The following TCTN2 variants were observed in gnomAD, a reference collection of about 807,000 sequenced individuals.
TCTN2 encodes the protein tectonic family member 2.
A neutral mutation model predicts 83.4 loss-of-function variants in TCTN2; 66 were observed. The observed-to-expected ratio is 0.79, with a 90% CI of 0.65 to 0.97. TCTN2 has a LOEUF of 0.97. TCTN2 is among the 50% of genes least tolerant of loss of function. The pLI is 0.00. For missense variants in TCTN2, 794 were observed against 858.1 expected, an observed-to-expected ratio of 0.93 and a Z score of 0.93; for synonymous variants, 301 against 326.7, an observed-to-expected ratio of 0.92 and a Z score of 0.85.
chr12:123,690,731 A>G, intron 8 of TCTN2, 57 bp downstream of exon 8: 1 of 1,589,646 alleles, frequency 6.3e-7, no homozygotes, highest in Non-Finnish European at 8.6e-7. Context: ...ATAAAGTATG[A>G]TCTCATGAGA....
intron 14 of TCTN2, among the ~76,000 whole-genome samples, chr12:123,702,811 T>C (rs1956187882): frequency 6.6e-6 from 1 of 152,218 alleles, no homozygotes; most frequent in Admixed American, 6.5e-5. Context: ...TTTGTTGCCT[T>C]CAAGGTGGAA....
rs781321058 is a variant in TCTN2, at chr12:123,671,571, C to T, written c.147C>T (p.Thr49=). ...PAVSASLVGD[T]EGVTVSLAVL... is the part of the protein sequence containing the mutation. The stretch of plus-strand genomic sequence containing the variant: ...TCAGCGCGTCCCTGGTCGGAGACAC[C>T]GAGGGTGTGACCGTGTCCCTGGCAG... Residue 49 remains threonine (T), a synonymous_variant, in exon 2 of 18, where the codon ACC becomes ACT. Transcript: ENST00000303372. The T allele has an allele frequency of 6.2e-7, 1 of 1,613,716 alleles. No individual in the cohort carries two copies. Among genetic ancestry groups the T allele is most frequent in the Non-Finnish European group, 8.5e-7 (1 of 1,180,026 alleles).
intron 5 of TCTN2, among the ~76,000 whole-genome samples, chr12:123,684,161 A>G (rs1374204501): frequency 1.3e-5 from 2 of 152,166 alleles, no homozygotes; most frequent in African/African-American, 4.8e-5. Context: ...ATCCTTGAAT[A>G]TGTGTTTGGA....
intron 4 of TCTN2, among the ~76,000 whole-genome samples, chr12:123,676,566 T>TAA (rs60100973): frequency 0.039 from 2,380 of 60,402 alleles, 114 homozygotes; most frequent in African/African-American, 0.09. Context: ...AGACTCCATC[T>TAA]AAAAAAAAAA....
intron 7 of TCTN2, among the ~76,000 whole-genome samples, chr12:123,688,831 C>T (rs1566253421): frequency 6.6e-6 from 1 of 151,908 alleles, no homozygotes; most frequent in South Asian, 2.1e-4. Flanking sequence ...TCTCAGCTCA[C>T]CGCAACCTCT....
At chr12:123,671,453 G>C in intron 1 of TCTN2, 54 bp from the exon 2 acceptor site, 1 of 1,595,038 alleles carries the variant, frequency 6.3e-7, no homozygotes. Context: ...ACACACCTTA[G>C]GCGGTGATTC....
chr12:123,705,524 T>C (rs911355392), intron 15 of TCTN2, among the ~76,000 whole-genome samples: 1 of 152,136 alleles, frequency 6.6e-6, no homozygotes, highest in Non-Finnish European at 1.5e-5. Context: ...AAGGGGAGTT[T>C]ATTGGTTCAA....
At chr12:123,683,254 CT>C (rs1160281835) in intron 5 of TCTN2, among the ~76,000 whole-genome samples, 1 of 151,508 alleles carries the variant, frequency 6.6e-6, no homozygotes, top group Admixed American at 6.6e-5. Flanking sequence ...TTTGATTAAC[CT>C]TTTTTTCTGA....
intron 14 of TCTN2, among the ~76,000 whole-genome samples, chr12:123,700,429 TTTG>T (rs1336707466): frequency 6.6e-6 from 1 of 151,932 alleles, no homozygotes; most frequent in Non-Finnish European, 1.5e-5. Context: ...AGTTTTTTTG[TTTG>T]TTTGGTTGGT....
intron 5 of TCTN2, among the ~76,000 whole-genome samples, chr12:123,679,825 C>T (rs1186986574): frequency 1.4e-5 from 2 of 147,068 alleles, no homozygotes; most frequent in African/African-American, 2.5e-5. Context: ...CTGCAAGCTC[C>T]GCCTCCCGGG....
At chr12:123,695,348 A>G in intron 11 of TCTN2, 51 bp downstream of exon 11, 1 of 1,216,638 alleles carries the variant, frequency 8.2e-7, no homozygotes, top group African/African-American at 1.5e-5. Flanking sequence ...CTTTAGTTCA[A>G]CACTCCCAGC....
At chr12:123,696,874 T>A (rs907425497) in intron 12 of TCTN2, 9 of 568,022 alleles carry the variant, frequency 1.6e-5, no homozygotes. Flanking sequence ...AGAGGCAGTG[T>A]CACTTCTGAA....
At chr12:123,704,795 C>G (rs1170311269) in intron 15 of TCTN2, 107 bp downstream of exon 15, 3 of 1,276,560 alleles carry the variant, frequency 2.4e-6, no homozygotes, top group African/African-American at 1.5e-5. Context: ...TTATTTACAA[C>G]TTGCAATTAT....
intron 5 of TCTN2, among the ~76,000 whole-genome samples, chr12:123,684,818 G>A (rs1228462901): frequency 6.6e-6 from 1 of 152,068 alleles, no homozygotes; most frequent in African/African-American, 2.4e-5. Flanking sequence ...TTGGGAGGCC[G>A]AGGTGGGTTG....
At chr12:123,701,999 G>A (rs1167640127) in intron 14 of TCTN2, among the ~76,000 whole-genome samples, 1 of 152,140 alleles carries the variant, frequency 6.6e-6, no homozygotes, top group Admixed American at 6.6e-5. Flanking sequence ...CCAGCTCATC[G>A]GGTTATGTTG....
At chr12:123,693,308 G>T (rs1315302801) in intron 9 of TCTN2, among the ~76,000 whole-genome samples, 29 of 150,136 alleles carry the variant, frequency 1.9e-4, no homozygotes, top group Non-Finnish European at 3.8e-4. Flanking sequence ...TTATAGGTGT[G>T]AGCCACCGCG....
At chr12:123,674,271 TTC>T (rs1006849050) in intron 4 of TCTN2, among the ~76,000 whole-genome samples, 1 of 152,150 alleles carries the variant, frequency 6.6e-6, no homozygotes, top group African/African-American at 2.4e-5. Flanking sequence ...TGTACATTGA[TTC>T]TCTCTCTTTT....
At position 123,699,797 on chromosome 12, in the gene TCTN2, G is replaced by C. The variant is rs1356471964; in HGVS notation, c.1599G>C (p.Trp533Cys). 1 of 1,613,948 alleles carries C rather than the reference G, an allele frequency of 6.2e-7. No individual in the cohort carries two copies. Among genetic ancestry groups the C allele is most frequent in the East Asian group, 2.2e-5 (1 of 44,874 alleles). The change falls in exon 14 of 18, where the codon TGG becomes TGC. Residue 533 changes from tryptophan (W) to cysteine (C), a missense_variant. Coordinates refer to ENST00000303372, the MANE Select transcript of TCTN2 (RefSeq NM_024809.5). ...NSDYADLSDG[W>C]LEIIRVDAPD... is the part of the protein sequence containing the mutation. ...ATTACGCTGATCTTAGTGATGGCTG[G>C]CTCGAAATAATACGTAAGTCAAACC... is the stretch of plus-strand genomic sequence containing the variant.
chr12:123,706,131 T>G lies in TCTN2; in HGVS notation c.1770-595T>G, dbSNP rs922647752. ...GGTCATGTGCTCCTTTCTGAACCAATCCCTATGACTGGGGCAATGGACAGC... is the reference window on the plus strand; with the variant it reads ...GGTCATGTGCTCCTTTCTGAACCAAGCCCTATGACTGGGGCAATGGACAGC... On this transcript the variant is annotated intron_variant, in intron 15 of 17. Coordinates refer to ENST00000303372, the MANE Select transcript of TCTN2 (RefSeq NM_024809.5). 3.3e-5 allele frequency among the ~76,000 whole-genome samples: 5 copies of G among 152,258 alleles called. No homozygotes were observed. The East Asian group carries it at 7.7e-4, about 23-fold the overall frequency.
Sources: allele counts gnomAD v4.1 joint callset (sites outside exome capture counted in the v4.1 genomes callset), GRCh38; gene constraint gnomAD v4.1.1; transcripts MANE v1.5; gene names NCBI Gene and HGNC (gene_info 2026-07-23, HGNC 2026-07-21).